The following AGPAT3 variants were observed in gnomAD, a reference collection of about 807,000 sequenced individuals.
AGPAT3 encodes the protein 1-acyl-sn-glycerol-3-phosphate acyltransferase gamma.
In AGPAT3, 5 loss-of-function variants were observed where a neutral mutation model predicts 47.3. The observed-to-expected ratio is 0.11, with a 90% CI of 0.06 to 0.22. AGPAT3 has a LOEUF of 0.22. Among genes scored for constraint, AGPAT3 ranks in the 10% least tolerant of loss-of-function variants. The pLI is 1.00. For missense variants in AGPAT3, 315 were observed against 493.0 expected (o/e 0.64, Z 3.42); for synonymous variants, 212 against 208.3 (o/e 1.02, Z -0.15).
At chr21:43,926,978 C>CA (rs905520861) in intron 2 of AGPAT3, among the ~76,000 whole-genome samples, 4,714 of 53,258 alleles carry the variant, frequency 0.089, 263 homozygotes, top group African/African-American at 0.18. Context: ...GACTCTGTCT[C>CA]AAAAAAAAAA....
chr21:43,967,732 T>C (rs901697484), intron 3 of AGPAT3: 9 of 549,432 alleles, frequency 1.6e-5, no homozygotes, highest in Non-Finnish European at 2.9e-5. Context: ...TTCTCTCCCT[T>C]TCTGCTGCTA....
chr21:43,973,446 T>G (rs1291626954), intron 7 of AGPAT3, among the ~76,000 whole-genome samples: 1 of 152,172 alleles, frequency 6.6e-6, no homozygotes, highest in African/African-American at 2.4e-5. Flanking sequence ...CTTGGGTGGT[T>G]AGTGGTGGCT....
At position 43,984,403 on chromosome 21, in the gene AGPAT3, C is replaced by T. The variant is rs553117281; in HGVS notation, c.*2011C>T. 5 of 152,530 alleles carry T rather than the reference C, an allele frequency of 3.3e-5. No homozygotes were observed. The East Asian group carries it at 9.6e-4, about 29-fold the overall frequency. The allele number at this position is 152,530 out of a possible 1,614,324, so 9.4% of individuals were successfully genotyped here. On this transcript the variant is annotated 3_prime_UTR_variant, in exon 10 of 10. Coordinates refer to ENST00000291572, the MANE Select transcript of AGPAT3 (RefSeq NM_020132.5). The stretch of plus-strand genomic sequence containing the variant: ...TAAGGAAAAAAGCTGAAGGGTACGA[C>T]CATGCACATATGTGACCTGGAAAAT...
intron 1 of AGPAT3, among the ~76,000 whole-genome samples, chr21:43,897,884 A>G (rs2086263392): frequency 6.6e-6 from 1 of 152,202 alleles, no homozygotes; most frequent in African/African-American, 2.4e-5. Context: ...TCCGTCTGCA[A>G]TCCCAGCACC....
chr21:43,986,717 A>G lies in AGPAT3; in HGVS notation c.*4325A>G, dbSNP rs2030335347. On this transcript the variant is annotated 3_prime_UTR_variant, in exon 10 of 10. Transcript: ENST00000291572. ...AGAACCCACACAAACCATTGACCTG[A>G]GTGCGCATGACAGCCACTGGCTTCT... Among the ~76,000 whole-genome samples, 1 of 152,228 alleles carries G rather than the reference A, an allele frequency of 6.6e-6. No homozygotes were observed. Among genetic ancestry groups the G allele is most frequent in the Non-Finnish European group, 1.5e-5 (1 of 68,044 alleles).
rs1285564955 is a variant in AGPAT3 at position 43,982,555 on chromosome 21, G to A, written c.*163G>A. On this transcript the variant is annotated 3_prime_UTR_variant, in exon 10 of 10. Coordinates refer to ENST00000291572, the MANE Select transcript of AGPAT3 (RefSeq NM_020132.5). The surrounding 1 kb of genome is among the most constrained non-coding windows in gnomAD (Gnocchi z 6.2). ...CAAGAGTAAAGAATTCAGAAGGCCT[G>A]TCAGGTGAAGTCTTCAGCCTCCCAC... The A allele has an allele frequency of 1.8e-6, 1 of 541,844 alleles. No homozygotes were observed. Among genetic ancestry groups the A allele is most frequent in the Non-Finnish European group, 3.3e-6 (1 of 307,378 alleles). 33.6% of individuals were successfully genotyped at this position (541,844 alleles called of 1,614,324 possible).
At chr21:43,904,561 C>T (rs2086442008) in intron 2 of AGPAT3, among the ~76,000 whole-genome samples, 1 of 152,162 alleles carries the variant, frequency 6.6e-6, no homozygotes, top group African/African-American at 2.4e-5. Context: ...GGTTGGTGCC[C>T]TGCTCCTGGG....
In AGPAT3 at chr21:43,954,150, G is replaced by A. The variant is rs1874854476; in HGVS notation, c.-48-5484G>A. On this transcript the variant is annotated intron_variant, in intron 2 of 9. Transcript: ENST00000291572. The surrounding 1 kb of genome is among the most constrained non-coding windows in gnomAD (Gnocchi z 4.0). ...TCCAGGCCCCTCCCAATGCTTTCCTGCTCTGCCAGCCCAAAGGACTTTGAA... is the reference window on the plus strand; with the variant it reads ...TCCAGGCCCCTCCCAATGCTTTCCTACTCTGCCAGCCCAAAGGACTTTGAA... 6.6e-6 allele frequency among the ~76,000 whole-genome samples: 1 copy of A among 152,252 alleles called. No individual in the cohort carries two copies. Among genetic ancestry groups the A allele is most frequent in the Admixed American group, 6.5e-5 (1 of 15,292 alleles).
intron 2 of AGPAT3, among the ~76,000 whole-genome samples, chr21:43,906,257 G>C (rs1049651898): frequency 6.6e-6 from 1 of 152,126 alleles, no homozygotes; most frequent in Non-Finnish European, 1.5e-5. Context: ...GTCAGTGATG[G>C]CATGCCACGT....
chr21:43,889,149 A>G (rs968660852), intron 1 of AGPAT3, among the ~76,000 whole-genome samples: 3 of 152,074 alleles, frequency 2.0e-5, no homozygotes, highest in Non-Finnish European at 4.4e-5. Context: ...TTAGATTTCT[A>G]TTGACTTTTC....
At position 43,934,085 on chromosome 21, in the gene AGPAT3, T is replaced by A. The variant is rs565492396; in HGVS notation, c.-48-25549T>A. Among the ~76,000 whole-genome samples, 3 of 152,350 alleles carry A rather than the reference T, an allele frequency of 2.0e-5. No homozygotes were observed. In the South Asian group the frequency reaches 6.2e-4, roughly 32 times the overall value. ...GGTGTCTGCCCTACATTGCTCATCC[T>A]TGGTAGTTTGGGTGATGAGGTTTTG... On this transcript the variant is annotated intron_variant, in intron 2 of 9. Coordinates refer to ENST00000291572, the MANE Select transcript of AGPAT3 (RefSeq NM_020132.5). This position sits in a 1 kb window ranked among gnomAD's most constrained non-coding sequence, Gnocchi z 4.7.
At chr21:43,931,922 C>CGTGTGTGTGTGTGTGT (rs55978822) in intron 2 of AGPAT3, among the ~76,000 whole-genome samples, 3 of 145,648 alleles carry the variant, frequency 2.1e-5, no homozygotes, top group African/African-American at 7.9e-5. Context: ...AAGAGGATCT[C>CGTGTGTGTGTGTGTGT]GTGTGTGTGT....
chr21:43,897,614 C>A lies in AGPAT3; in HGVS notation c.-111-6343C>A, dbSNP rs1342038245. 8.1e-5 allele frequency among the ~76,000 whole-genome samples: 11 copies of A among 136,090 alleles called. 1 individual carries two copies. Among genetic ancestry groups the A allele is most frequent in the African/African-American group, 2.1e-4 (8 of 37,234 alleles). The allele number at this position is 136,090 out of a possible 152,430, so 89.3% of individuals were successfully genotyped here. A position where few individuals can be genotyped will look rare whatever the true frequency, so the allele number is the denominator to read the frequency against. ...GCGGCCGGGCAGAGGGGCTCCTCAC[C>A]TCCCAGAGGGGGCGGCCGGGCAGAG... On this transcript the variant is annotated intron_variant, in intron 1 of 9. Coordinates refer to ENST00000291572, the MANE Select transcript of AGPAT3 (RefSeq NM_020132.5).
At chr21:43,907,933 C>T (rs933419220) in intron 2 of AGPAT3, among the ~76,000 whole-genome samples, 6 of 152,216 alleles carry the variant, frequency 3.9e-5, no homozygotes, top group African/African-American at 1.2e-4. Flanking sequence ...CCCTCTCCGT[C>T]GCACGGCTCC....
chr21:43,953,263 G>A (rs1234716332), intron 2 of AGPAT3, among the ~76,000 whole-genome samples: 1 of 152,196 alleles, frequency 6.6e-6, no homozygotes, highest in African/African-American at 2.4e-5. Context: ...CTGCATCCCC[G>A]CAGCTAGGAA....
rs77597510 is a variant in AGPAT3 at position 43,938,117 on chromosome 21, G to C, written c.-48-21517G>C. Among the ~76,000 whole-genome samples the C allele has an allele frequency of 5.4e-4, 79 of 147,480 alleles. 1 individual carries two copies. The highest frequency in any genetic ancestry group is 1.9e-3 in the African/African-American group (76 of 39,890). On this transcript the variant is annotated intron_variant, in intron 2 of 9. Transcript: ENST00000291572. The stretch of plus-strand genomic sequence containing the variant: ...TCTCTCTCTCTCTCACACACACACA[G>C]ACACACACACACACACACACACACT...
chr21:43,972,116 CAGT>C (rs1424303468), intron 7 of AGPAT3, among the ~76,000 whole-genome samples: 2 of 151,582 alleles, frequency 1.3e-5, no homozygotes, highest in Admixed American at 6.6e-5. Flanking sequence ...CTGAAGGAGA[CAGT>C]GGTGAAGGGA....
chr21:43,973,710 C>T (rs1305050846), intron 7 of AGPAT3, among the ~76,000 whole-genome samples: 2 of 152,258 alleles, frequency 1.3e-5, no homozygotes, highest in African/African-American at 4.8e-5. Context: ...AGCAGTGTCC[C>T]CGCGCGCCCC....
intron 1 of AGPAT3, among the ~76,000 whole-genome samples, chr21:43,876,543 A>G (rs2085737848): frequency 6.6e-6 from 1 of 152,246 alleles, no homozygotes; most frequent in Non-Finnish European, 1.5e-5. Context: ...GGGGATGTCT[A>G]AAGACATAAT....
Sources: gnomAD v4.1 joint callset for allele counts (sites outside exome capture counted in the v4.1 genomes callset) on GRCh38, gnomAD v4.1.1 for gene constraint, Gnocchi (gnomAD v3.1) non-coding constraint, MANE v1.5 for transcripts, NCBI Gene and HGNC (gene_info 2026-07-23, HGNC 2026-07-21) for gene names.